Variants in UGP2 observed in about 807,000 individuals in gnomAD.
UGP2 encodes the protein UTP--glucose-1-phosphate uridylyltransferase.
UGP2 carries 40 observed loss-of-function variants against 49.0 expected under a neutral mutation model. That is an observed-to-expected ratio of 0.82 (90% CI 0.63 to 1.06). UGP2 has a LOEUF of 1.06. UGP2 is among the 50% of genes least tolerant of loss of function. The probability of loss-of-function intolerance (pLI) is 0.00; values close to 1 mark genes in which losing one functional copy is unlikely to be tolerated. For missense variants in UGP2, 460 were observed against 603.5 expected (o/e 0.76, Z 2.49); for synonymous variants, 225 against 213.0 (o/e 1.06, Z -0.49).
At chr2:63,857,680 G>A (rs1042323079) in intron 2 of UGP2, 149 bp from the exon 3 acceptor site, 13 of 809,372 alleles carry the variant, frequency 1.6e-5, no homozygotes, top group Non-Finnish European at 2.2e-5. Flanking sequence ...TTAGCTTTTA[G>A]GATGTGAAAA....
chr2:63,866,288 G>GTGAA (rs982445635), intron 3 of UGP2, among the ~76,000 whole-genome samples: 2 of 152,214 alleles, frequency 1.3e-5, no homozygotes, highest in African/African-American at 2.4e-5. Flanking sequence ...AAAGACCCTG[G>GTGAA]TGAATGAATG....
intron 9 of UGP2, among the ~76,000 whole-genome samples, 180 bp downstream of exon 9, chr2:63,890,365 T>C (rs1672023799): frequency 6.6e-6 from 1 of 152,192 alleles, no homozygotes; most frequent in Non-Finnish European, 1.5e-5. Flanking sequence ...AGCATTAGCT[T>C]ACTAAAGATG....
intron 3 of UGP2, among the ~76,000 whole-genome samples, chr2:63,878,703 A>G (rs1476062610): frequency 2.0e-5 from 3 of 152,218 alleles, no homozygotes; most frequent in Admixed American, 6.5e-5. Flanking sequence ...ACCTGGGACT[A>G]TAGGTGTGCA....
rs200389422 is a variant in UGP2, at chr2:63,856,301, T to G, written c.20-5T>G. The G allele has an allele frequency of 2.5e-6, 4 of 1,610,190 alleles. No individual in the cohort carries two copies. Among genetic ancestry groups the G allele is most frequent in the Non-Finnish European group, 3.4e-6 (4 of 1,178,946 alleles). ...CAGTTGGTGGTTTTATGTTTTTGTT[T>G]TAAGATCTTAGCAAAGCAATGTCTC... On this transcript the variant is annotated splice_region_variant and splice_polypyrimidine_tract_variant and intron_variant, in intron 1 of 9. Coordinates refer to ENST00000337130, the MANE Select transcript of UGP2 (RefSeq NM_006759.4).
intron 9 of UGP2, among the ~76,000 whole-genome samples, chr2:63,890,714 C>T (rs1383871347): frequency 6.6e-6 from 1 of 152,134 alleles, no homozygotes; most frequent in African/African-American, 2.4e-5. Flanking sequence ...AGACTTAAGA[C>T]ATGAAAAATC....
intron 3 of UGP2, among the ~76,000 whole-genome samples, chr2:63,866,921 A>G (rs1670221670): frequency 6.6e-6 from 1 of 152,168 alleles, no homozygotes; most frequent in Non-Finnish European, 1.5e-5. Flanking sequence ...TTACATAGGA[A>G]ATACAGATTT....
chr2:63,842,336 A>G (rs572609146), intron 1 of UGP2, 132 bp downstream of exon 1: 12 of 1,604,062 alleles, frequency 7.5e-6, no homozygotes, highest in Admixed American at 6.7e-5. Context: ...TTTTCGTTGA[A>G]TTGTCATCTG....
At position 63,842,143 on chromosome 2, in the gene UGP2, GAAAA is replaced by G. The variant is rs78573846; in HGVS notation, c.-31_-28del. On this transcript the variant is annotated 5_prime_UTR_variant, in exon 1 of 10. Coordinates refer to ENST00000337130, the MANE Select transcript of UGP2 (RefSeq NM_006759.4). ...CCTGCCCTGTAGCGTGACTCCTCTA[GAAAA>G]AAAAAAAAAAAGCCGGAGTATTTTA... 126 of 1,461,812 alleles carry G rather than the reference GAAAA, an allele frequency of 8.6e-5. No individual in the cohort carries two copies. Among genetic ancestry groups the G allele is most frequent in the Non-Finnish European group, 9.6e-5 (106 of 1,099,822 alleles). The allele number at this position is 1,461,812 out of a possible 1,614,324, so 90.6% of individuals were successfully genotyped here.
At chr2:63,881,401 T>A (rs1351711014) in intron 3 of UGP2, among the ~76,000 whole-genome samples, 1 of 151,054 alleles carries the variant, frequency 6.6e-6, no homozygotes, top group Non-Finnish European at 1.5e-5. Context: ...GCAGAACAAA[T>A]AACAGCTAAC....
intron 3 of UGP2, among the ~76,000 whole-genome samples, chr2:63,879,248 A>G (rs1196946160): frequency 1.3e-5 from 2 of 152,176 alleles, no homozygotes; most frequent in Non-Finnish European, 2.9e-5. Context: ...TTTCCTAAAG[A>G]TACCTATCTA....
rs577423291 is a variant in UGP2 at position 63,851,927 on chromosome 2, A to T, written c.20-4379A>T. 8.5e-5 allele frequency among the ~76,000 whole-genome samples: 13 copies of T among 152,254 alleles called. No individual in the cohort carries two copies. The South Asian group carries it at 2.3e-3, about 27-fold the overall frequency. Reference sequence around the variant, plus strand: ...ATCATGGCAGAAGAAACGTGGGGTGATTGGTGGACACATACTCATTATGTG... The same window carrying T: ...ATCATGGCAGAAGAAACGTGGGGTGTTTGGTGGACACATACTCATTATGTG... On this transcript the variant is annotated intron_variant, in intron 1 of 9. Transcript: ENST00000337130.
chr2:63,851,740 T>A (rs1669054103), intron 1 of UGP2, among the ~76,000 whole-genome samples: 1 of 152,186 alleles, frequency 6.6e-6, no homozygotes, highest in South Asian at 2.1e-4. Context: ...AAATACCAAT[T>A]CATTTGGCTT....
At chr2:63,848,533 T>C (rs1027652922) in intron 1 of UGP2, among the ~76,000 whole-genome samples, 9 of 152,254 alleles carry the variant, frequency 5.9e-5, no homozygotes, top group African/African-American at 2.2e-4. Flanking sequence ...CCAGCTAATT[T>C]TTGTATTTTT....
chr2:63,889,944 G>T, intron 8 of UGP2, 137 bp from the exon 9 acceptor site: 1 of 646,904 alleles, frequency 1.5e-6, no homozygotes. Flanking sequence ...TGCTTAATAA[G>T]TAGGTGCTTC....
intron 8 of UGP2, 138 bp downstream of exon 8, chr2:63,887,782 A>T: frequency 8.9e-7 from 1 of 1,129,620 alleles, no homozygotes; most frequent in South Asian, 1.6e-5. Flanking sequence ...TACCTTTTAA[A>T]GGGAATTGAC....
At chr2:63,842,262 G>A (rs879673073) in intron 1 of UGP2, 58 bp downstream of exon 1, 157 of 1,609,192 alleles carry the variant, frequency 9.8e-5, no homozygotes, top group Non-Finnish European at 1.3e-4. Flanking sequence ...GGTACTGACA[G>A]TGGAGAGGTT....
chr2:63,845,541 C>CG (rs1558930153), intron 1 of UGP2, among the ~76,000 whole-genome samples: 1 of 149,586 alleles, frequency 6.7e-6, no homozygotes, highest in African/African-American at 2.5e-5. Context: ...AAAAAAGTGC[C>CG]GGGGTGGGGC....
intron 3 of UGP2, among the ~76,000 whole-genome samples, chr2:63,876,236 A>C (rs1236348057): frequency 6.6e-6 from 1 of 152,054 alleles, no homozygotes; most frequent in Non-Finnish European, 1.5e-5. Context: ...CTCTGCTGAT[A>C]ATAGGGTGAT....
chr2:63,843,292 T>C (rs1196115111), intron 1 of UGP2, among the ~76,000 whole-genome samples: 4 of 152,256 alleles, frequency 2.6e-5, no homozygotes, highest in African/African-American at 9.6e-5. Flanking sequence ...CCTTTAGCGC[T>C]AAGCTCAGAA....
Sources: allele counts gnomAD v4.1 joint callset (sites outside exome capture counted in the v4.1 genomes callset), GRCh38; gene constraint gnomAD v4.1.1; transcripts MANE v1.5; gene names NCBI Gene and HGNC (gene_info 2026-07-23, HGNC 2026-07-21).